Variants in NEBL observed in about 807,000 individuals in gnomAD.
The protein encoded by NEBL is nebulette.
NEBL carries 122 observed loss-of-function variants against 140.2 expected under a neutral mutation model. The ratio of observed to expected loss-of-function variants is 0.87; its 90% confidence interval spans 0.75 to 1.01. The LOEUF is 1.01. Ranked by LOEUF, NEBL falls within the 50% of genes least tolerant of loss-of-function variation. The probability of loss-of-function intolerance (pLI) is 0.00; values close to 1 mark genes in which losing one functional copy is unlikely to be tolerated. For synonymous variants in NEBL, 436 were observed against 398.9 expected (o/e 1.09, Z -1.11); for missense variants, 1,365 against 1,231.3 (o/e 1.11, Z -1.62).
At chr10:20,965,822 A>G (rs970259525) in intron 3 of NEBL, among the ~76,000 whole-genome samples, 3 of 152,180 alleles carry the variant, frequency 2.0e-5, no homozygotes, top group Admixed American at 6.5e-5. Flanking sequence ...ACCACAGAAG[A>G]AAGCAAAAGT....
intron 13 of NEBL, among the ~76,000 whole-genome samples, chr10:20,837,059 C>T (rs897437154): frequency 2.6e-5 from 4 of 151,980 alleles, no homozygotes; most frequent in Admixed American, 2.0e-4. Context: ...GAAATTGGGC[C>T]GATTAGTAAC....
At chr10:21,016,217 T>C (rs530001691) in intron 3 of NEBL, among the ~76,000 whole-genome samples, 1 of 152,374 alleles carries the variant, frequency 6.6e-6, no homozygotes, top group East Asian at 1.9e-4. Flanking sequence ...AGTCCACATC[T>C]ACTGCAGTCA....
intron 4 of NEBL, among the ~76,000 whole-genome samples, chr10:20,939,177 G>T (rs1174739144): frequency 6.6e-6 from 1 of 152,052 alleles, no homozygotes; most frequent in Non-Finnish European, 1.5e-5. Context: ...AAGGTTAAGG[G>T]CAGCCAGAAA....
At chr10:20,969,744 C>T (rs2131635024) in intron 3 of NEBL, among the ~76,000 whole-genome samples, 1 of 151,978 alleles carries the variant, frequency 6.6e-6, no homozygotes, top group Admixed American at 6.6e-5. Flanking sequence ...CAGGGTTTTG[C>T]CATGTTGCCA....
At chr10:20,805,353 G>T (rs1006978466) in intron 26 of NEBL, among the ~76,000 whole-genome samples, 2 of 152,168 alleles carry the variant, frequency 1.3e-5, no homozygotes, top group Non-Finnish European at 2.9e-5. Flanking sequence ...ATATTCCAAT[G>T]TATCCTAAAA....
chr10:20,862,670 G>A (rs1336148219), intron 7 of NEBL, among the ~76,000 whole-genome samples: 1 of 152,138 alleles, frequency 6.6e-6, no homozygotes, highest in Non-Finnish European at 1.5e-5. Flanking sequence ...ATGGAACAAG[G>A]CATAACCCTT....
At chr10:21,184,569 C>A (rs958502112) in intron 3 of NEBL, among the ~76,000 whole-genome samples, 1 of 152,120 alleles carries the variant, frequency 6.6e-6, no homozygotes, top group South Asian at 2.1e-4. Flanking sequence ...GAGAAAAGAG[C>A]CTTCATTATA....
chr10:20,813,082 A>G (rs1435234142), intron 23 of NEBL, 142 bp from the exon 24 acceptor site: 3 of 734,798 alleles, frequency 4.1e-6, no homozygotes, highest in African/African-American at 3.5e-5. Flanking sequence ...CTCCAAAACT[A>G]AAGTCTGGAA....
At chr10:20,792,381 T>A (rs1836086220) in intron 26 of NEBL, among the ~76,000 whole-genome samples, 1 of 152,246 alleles carries the variant, frequency 6.6e-6, no homozygotes. Flanking sequence ...AATGAGGTTT[T>A]GTTTTTCTTT....
intron 17 of NEBL, among the ~76,000 whole-genome samples, chr10:20,827,774 G>T (rs756613131): frequency 6.6e-6 from 1 of 152,128 alleles, no homozygotes; most frequent in Non-Finnish European, 1.5e-5. Flanking sequence ...CCTTTGCAGG[G>T]ACATGGATGG....
intron 2 of NEBL, among the ~76,000 whole-genome samples, chr10:21,159,216 T>C (rs567547952): frequency 6.6e-6 from 1 of 152,184 alleles, no homozygotes; most frequent in Non-Finnish European, 1.5e-5. Flanking sequence ...TTGAGCCACC[T>C]TTTTTTCTTA....
chr10:21,046,122 C>T (rs922742928), intron 2 of NEBL, among the ~76,000 whole-genome samples: 1 of 152,014 alleles, frequency 6.6e-6, no homozygotes, highest in African/African-American at 2.4e-5. Flanking sequence ...GTGAAATAAG[C>T]CAGGCACAGA....
At chr10:21,263,176 A>G (rs962141652) in intron 1 of NEBL, among the ~76,000 whole-genome samples, 2 of 152,188 alleles carry the variant, frequency 1.3e-5, no homozygotes, top group Non-Finnish European at 2.9e-5. Context: ...GTAGGTATTT[A>G]CCCATTTAAT....
chr10:20,871,312 A>T (rs1199379272), intron 5 of NEBL, among the ~76,000 whole-genome samples: 3 of 152,210 alleles, frequency 2.0e-5, no homozygotes, highest in Non-Finnish European at 2.9e-5. Context: ...ATTTTGACAG[A>T]TGGTGCCCAA....
At chr10:21,195,517 C>A (rs570875156) in intron 3 of NEBL, among the ~76,000 whole-genome samples, 1 of 152,160 alleles carries the variant, frequency 6.6e-6, no homozygotes, top group South Asian at 2.1e-4. Context: ...CATGAACCTG[C>A]CAGACCGGCT....
intron 2 of NEBL, among the ~76,000 whole-genome samples, chr10:21,144,827 C>T (rs1271045414): frequency 6.6e-6 from 1 of 151,954 alleles, no homozygotes. Flanking sequence ...TAGCTATTCA[C>T]GTCATATGTC....
intron 3 of NEBL, among the ~76,000 whole-genome samples, chr10:21,007,728 A>C (rs548871705): frequency 6.6e-6 from 1 of 152,364 alleles, no homozygotes; most frequent in South Asian, 2.1e-4. Flanking sequence ...AACTACACAG[A>C]GAAAGACCCA....
chr10:20,783,879 C>G lies in NEBL; in HGVS notation c.*1868G>C, dbSNP rs1175669858. The G allele has an allele frequency of 6.6e-6, 1 of 152,474 alleles. No individual in the cohort carries two copies. Among genetic ancestry groups the G allele is most frequent in the African/African-American group, 2.4e-5 (1 of 41,392 alleles). 9.4% of individuals were successfully genotyped at this position (152,474 alleles called of 1,614,324 possible). ...TCAGTGAGAGAAAACCAGCCAAACC[C>G]CCTTAAAAGAAGTCTCTAGTTATTT... is the stretch of plus-strand genomic sequence containing the variant. On this transcript the variant is annotated 3_prime_UTR_variant, in exon 28 of 28. Transcript: ENST00000377122.
At chr10:20,909,283 CCCA>C (rs1019980688) in intron 4 of NEBL, among the ~76,000 whole-genome samples, 1 of 151,434 alleles carries the variant, frequency 6.6e-6, no homozygotes, top group African/African-American at 2.4e-5. Context: ...TTCCTACCTC[CCCA>C]CCACCACCCC....
Sources: gnomAD v4.1 joint callset for allele counts (sites outside exome capture counted in the v4.1 genomes callset) on GRCh38, gnomAD v4.1.1 for gene constraint, MANE v1.5 for transcripts, NCBI Gene and HGNC (gene_info 2026-07-23, HGNC 2026-07-21) for gene names.